CHST9: variants seen among roughly 807,000 people sequenced by gnomAD.
CHST9 encodes the protein carbohydrate sulfotransferase 9, also known as GalNAc-4-sulfotransferase 2.
A neutral mutation model predicts 44.4 loss-of-function variants in CHST9; 41 were observed. That is an observed-to-expected ratio of 0.92 (90% CI 0.72 to 1.20). CHST9 has a LOEUF of 1.20. Ranked by LOEUF, CHST9 falls within the 50% of genes most tolerant of loss-of-function variation. The pLI is 0.00. For missense variants in CHST9, 504 were observed against 516.5 expected, an observed-to-expected ratio of 0.98 and a Z score of 0.23; for synonymous variants, 171 against 178.4, an observed-to-expected ratio of 0.96 and a Z score of 0.33.
At chr18:26,996,945 C>T (rs2145219149) in intron 4 of CHST9, among the ~76,000 whole-genome samples, 1 of 152,314 alleles carries the variant, frequency 6.6e-6, no homozygotes, top group African/African-American at 2.4e-5. Context: ...GTATTTTAAA[C>T]ACATGTCCCA....
intron 2 of CHST9, among the ~76,000 whole-genome samples, chr18:27,083,230 T>C (rs1328340869): frequency 6.6e-6 from 1 of 152,160 alleles, no homozygotes; most frequent in Non-Finnish European, 1.5e-5. Context: ...CAATGCAGCG[T>C]TCTTTCTAAT....
intron 4 of CHST9, among the ~76,000 whole-genome samples, chr18:27,000,900 C>G (rs575483820): frequency 2.6e-5 from 4 of 151,130 alleles, no homozygotes; most frequent in Non-Finnish European, 5.9e-5. Flanking sequence ...TTCACCCCCC[C>G]ATCTCTGAAT....
At chr18:26,974,281 A>G (rs907607144) in intron 4 of CHST9, among the ~76,000 whole-genome samples, 1 of 152,240 alleles carries the variant, frequency 6.6e-6, no homozygotes, top group Non-Finnish European at 1.5e-5. Flanking sequence ...AAGATGGTTA[A>G]CTAGGTGAAA....
chr18:26,916,703 G>A lies in CHST9; in HGVS notation c.888C>T (p.His296=), dbSNP rs775468298. ...ATACTGGATGGTAATAACTATTGGG[G>A]TGTTCAAATTTGTCCCTAAAGGCTG... The part of the protein sequence containing the change: ...LVSAFRDKFE[H]PNSYYHPVFG... The change falls in exon 6 of 6, where the codon CAC becomes CAT. Residue 296 remains histidine, a synonymous_variant. Coordinates refer to ENST00000618847, the MANE Select transcript of CHST9 (RefSeq NM_031422.6). 6.8e-6 allele frequency: 11 copies of A among 1,613,758 alleles called. No individual in the cohort carries two copies. The highest frequency in any genetic ancestry group is 4.0e-5 in the African/African-American group (3 of 74,898).
chr18:27,024,261 T>TA (rs1568137714), intron 3 of CHST9, 104 bp from the exon 4 acceptor site: 8 of 873,698 alleles, frequency 9.2e-6, no homozygotes, highest in African/African-American at 6.9e-5. Flanking sequence ...ATTTTATTTG[T>TA]AACAAGGAAA....
intron 4 of CHST9, among the ~76,000 whole-genome samples, chr18:26,964,407 A>T (rs2056438603): frequency 6.6e-6 from 1 of 152,216 alleles, no homozygotes; most frequent in African/African-American, 2.4e-5. Context: ...AGGACTTCAA[A>T]TTCCTATTTC....
At chr18:26,945,643 A>G (rs2056150807) in intron 4 of CHST9, among the ~76,000 whole-genome samples, 1 of 152,178 alleles carries the variant, frequency 6.6e-6, no homozygotes, top group African/African-American at 2.4e-5. Context: ...TGGATGTGCC[A>G]AAGTTTGTTT....
chr18:27,093,893 T>C (rs201200771), intron 2 of CHST9, among the ~76,000 whole-genome samples: 1 of 145,038 alleles, frequency 6.9e-6, no homozygotes, highest in African/African-American at 2.6e-5. Context: ...TTTTTTTTTT[T>C]CTTTTTTTAA....
At chr18:27,179,853 A>T (rs1477804752) in intron 1 of CHST9, among the ~76,000 whole-genome samples, 1 of 152,118 alleles carries the variant, frequency 6.6e-6, no homozygotes, top group Non-Finnish European at 1.5e-5. Context: ...CTCAGCACCA[A>T]ATCAGTAATT....
intron 1 of CHST9, among the ~76,000 whole-genome samples, chr18:27,154,153 T>C (rs1287896831): frequency 6.6e-6 from 1 of 152,078 alleles, no homozygotes; most frequent in Non-Finnish European, 1.5e-5. Flanking sequence ...GAACTAAAAA[T>C]AAGCTATAGT....
At chr18:27,151,651 T>C (rs575808436) in intron 1 of CHST9, among the ~76,000 whole-genome samples, 60 of 152,216 alleles carry the variant, frequency 3.9e-4, no homozygotes, top group African/African-American at 1.4e-3. Context: ...GAGGAGGAAG[T>C]CAGAGTGATG....
intron 1 of CHST9, among the ~76,000 whole-genome samples, chr18:27,170,346 C>T (rs1408360960): frequency 2.6e-5 from 4 of 152,070 alleles, no homozygotes; most frequent in Admixed American, 2.0e-4. Context: ...AACCTAGGTC[C>T]CTGAATGACT....
At chr18:26,949,422 G>C (rs2056212970) in intron 4 of CHST9, among the ~76,000 whole-genome samples, 1 of 152,062 alleles carries the variant, frequency 6.6e-6, no homozygotes, top group African/African-American at 2.4e-5. Context: ...GCATGTGCCT[G>C]TAGTCCCAGC....
chr18:27,180,454 C>G (rs577221687), intron 1 of CHST9, among the ~76,000 whole-genome samples: 103 of 152,254 alleles, frequency 6.8e-4, no homozygotes, highest in African/African-American at 2.4e-3. Flanking sequence ...TCAAGGATCA[C>G]AGTCTGGTCC....
At chr18:27,094,397 A>G (rs2058097227) in intron 2 of CHST9, among the ~76,000 whole-genome samples, 1 of 152,242 alleles carries the variant, frequency 6.6e-6, no homozygotes, top group African/African-American at 2.4e-5. Flanking sequence ...TTCAGAATAA[A>G]TATTAACATC....
intron 2 of CHST9, among the ~76,000 whole-genome samples, chr18:27,073,539 G>A (rs1428089129): frequency 2.0e-5 from 3 of 152,010 alleles, no homozygotes; most frequent in Non-Finnish European, 4.4e-5. Flanking sequence ...TCAGGAATGG[G>A]TAAACCTGCA....
chr18:26,984,782 A>G (rs1410900778), intron 4 of CHST9, among the ~76,000 whole-genome samples: 1 of 151,680 alleles, frequency 6.6e-6, no homozygotes, highest in Non-Finnish European at 1.5e-5. Flanking sequence ...ATTAGTCATG[A>G]GGAAAATAAA....
At chr18:27,075,892 A>T (rs2057898617) in intron 2 of CHST9, among the ~76,000 whole-genome samples, 1 of 152,146 alleles carries the variant, frequency 6.6e-6, no homozygotes, top group African/African-American at 2.4e-5. Context: ...AAATTATTAA[A>T]CTCTAGGAGC....
At chr18:27,114,421 T>C (rs1036413681) in intron 2 of CHST9, among the ~76,000 whole-genome samples, 1 of 152,158 alleles carries the variant, frequency 6.6e-6, no homozygotes, top group African/African-American at 2.4e-5. Flanking sequence ...TTTAATCAAG[T>C]TTTTTCAGAG....
Sources: allele counts gnomAD v4.1 joint callset (sites outside exome capture counted in the v4.1 genomes callset), GRCh38; gene constraint gnomAD v4.1.1; transcripts MANE v1.5; gene names NCBI Gene and HGNC (gene_info 2026-07-23, HGNC 2026-07-21).